The following SIPA1L1 variants were observed in gnomAD, a reference collection of about 807,000 sequenced individuals.
The protein encoded by SIPA1L1 is signal induced proliferation associated 1 like 1.
A neutral mutation model predicts 162.7 loss-of-function variants in SIPA1L1; 26 were observed. The observed-to-expected ratio is 0.16, with a 90% CI of 0.12 to 0.22. The LOEUF is 0.22. SIPA1L1 is among the 10% of genes least tolerant of loss of function. The pLI is 1.00. For missense variants in SIPA1L1, 1,874 were observed against 2,241.0 expected (o/e 0.84, Z 3.31); for synonymous variants, 829 against 837.4 (o/e 0.99, Z 0.17).
At chr14:71,414,785 C>G (rs34454371) in intron 2 of SIPA1L1, among the ~76,000 whole-genome samples, 24,860 of 152,172 alleles carry the variant, frequency 0.16, 2,637 homozygotes, top group Middle Eastern at 0.35. Flanking sequence ...GAGAAATGAT[C>G]AGATGATCTA....
chr14:71,344,181 G>T (rs2140462330), intron 2 of SIPA1L1, among the ~76,000 whole-genome samples: 1 of 152,296 alleles, frequency 6.6e-6, no homozygotes, highest in East Asian at 1.9e-4. Context: ...TTAGGAATTG[G>T]ATTTAATTGC....
intron 20 of SIPA1L1, among the ~76,000 whole-genome samples, chr14:71,732,826 C>A (rs1161720317): frequency 6.6e-6 from 1 of 152,126 alleles, no homozygotes; most frequent in Admixed American, 6.5e-5. Context: ...CCCTTGGACA[C>A]CTTTGACCAT....
intron 7 of SIPA1L1, among the ~76,000 whole-genome samples, chr14:71,636,296 C>G (rs1258994787): frequency 6.6e-6 from 1 of 152,096 alleles, no homozygotes; most frequent in East Asian, 1.9e-4. Flanking sequence ...CATCCTGTCC[C>G]ATGAAATAAA....
intron 2 of SIPA1L1, among the ~76,000 whole-genome samples, chr14:71,498,750 T>G (rs572914557): frequency 7.9e-4 from 120 of 152,366 alleles, no homozygotes; most frequent in Middle Eastern, 3.4e-3. Context: ...CTTTTGCTGC[T>G]TTTTCTAGTC....
chr14:71,575,753 G>GT (rs2032920536), intron 4 of SIPA1L1, among the ~76,000 whole-genome samples: 1 of 152,082 alleles, frequency 6.6e-6, no homozygotes, highest in Admixed American at 6.5e-5. Flanking sequence ...GTCACTTCTT[G>GT]TTAATCTTTT....
intron 15 of SIPA1L1, among the ~76,000 whole-genome samples, chr14:71,704,079 T>C (rs1480840384): frequency 6.6e-6 from 1 of 152,188 alleles, no homozygotes; most frequent in Non-Finnish European, 1.5e-5. Flanking sequence ...TGGTGGCCTT[T>C]CACCATGGGA....
In SIPA1L1 at chr14:71,740,701, C is replaced by T. The variant is rs550016459; in HGVS notation, c.*1540C>T. On this transcript the variant is annotated 3_prime_UTR_variant, in exon 24 of 24. Transcript: ENST00000381232. Reference sequence around the variant, plus strand: ...AGTTTCATTCTTGATTGTGATTTCTCCATGGAATTTTTTTTTTCTGGTGAC... The same window carrying T: ...AGTTTCATTCTTGATTGTGATTTCTTCATGGAATTTTTTTTTTCTGGTGAC... The T allele has an allele frequency of 6.6e-6, 1 of 152,214 alleles. No homozygotes were observed. Among genetic ancestry groups the T allele is most frequent in the African/African-American group, 2.4e-5 (1 of 41,540 alleles). 9.4% of individuals were successfully genotyped at this position (152,214 alleles called of 1,614,324 possible).
chr14:71,459,253 A>C (rs2046409371), intron 2 of SIPA1L1, among the ~76,000 whole-genome samples: 1 of 152,042 alleles, frequency 6.6e-6, no homozygotes, highest in Admixed American at 6.6e-5. Context: ...CATACTACAG[A>C]TCGCTAGTAA....
At chr14:71,372,758 G>T (rs981028466) in intron 2 of SIPA1L1, among the ~76,000 whole-genome samples, 9 of 152,038 alleles carry the variant, frequency 5.9e-5, no homozygotes, top group African/African-American at 2.2e-4. Context: ...GAATGGCCTG[G>T]GGTGTCTGTA....
At chr14:71,556,690 G>A (rs377715206) in intron 4 of SIPA1L1, among the ~76,000 whole-genome samples, 5 of 151,498 alleles carry the variant, frequency 3.3e-5, no homozygotes, top group Non-Finnish European at 5.9e-5. Flanking sequence ...CTCCTTTGGC[G>A]TGCCACCTTC....
At chr14:71,353,404 G>T (rs1384955526) in intron 2 of SIPA1L1, among the ~76,000 whole-genome samples, 1 of 152,194 alleles carries the variant, frequency 6.6e-6, no homozygotes, top group Non-Finnish European at 1.5e-5. Flanking sequence ...AAGGCCAGGT[G>T]CCTAGAAGGA....
intron 7 of SIPA1L1, among the ~76,000 whole-genome samples, chr14:71,635,977 T>C (rs1290968265): frequency 1.3e-5 from 2 of 152,042 alleles, no homozygotes; most frequent in African/African-American, 4.8e-5. Flanking sequence ...AGAGGATCAT[T>C]GCATAATGAT....
At position 71,470,009 on chromosome 14, in the gene SIPA1L1, G is replaced by C. The variant is rs1043227579; in HGVS notation, c.-464-42734G>C. Among the ~76,000 whole-genome samples the C allele has an allele frequency of 3.3e-5, 5 of 152,276 alleles. No homozygotes were observed. In the East Asian group the frequency reaches 7.7e-4, roughly 24 times the overall value. On this transcript the variant is annotated intron_variant, in intron 2 of 23. Transcript: ENST00000381232. ...ATTAGTTCGGGTTGGGGCTGGTGGTGCTTGGCAGACCCTTTACCTGTGTCA... is the reference window on the plus strand; with the variant it reads ...ATTAGTTCGGGTTGGGGCTGGTGGTCCTTGGCAGACCCTTTACCTGTGTCA...
chr14:71,509,435 G>T (rs1368968354), intron 2 of SIPA1L1, among the ~76,000 whole-genome samples: 1 of 152,084 alleles, frequency 6.6e-6, no homozygotes, highest in Non-Finnish European at 1.5e-5. Flanking sequence ...TTTTTGTAAG[G>T]TAGCATGAGC....
chr14:71,561,824 T>C (rs2056819216), intron 4 of SIPA1L1, among the ~76,000 whole-genome samples: 1 of 152,190 alleles, frequency 6.6e-6, no homozygotes, highest in Non-Finnish European at 1.5e-5. Context: ...TGATCTCAGG[T>C]GATCTGCCTG....
At chr14:71,703,498 C>T (rs142015546) in intron 15 of SIPA1L1, among the ~76,000 whole-genome samples, 1 of 152,240 alleles carries the variant, frequency 6.6e-6, no homozygotes, top group Admixed American at 6.5e-5. Context: ...TGCTTTGTTC[C>T]AGTAGCTTCA....
intron 2 of SIPA1L1, among the ~76,000 whole-genome samples, chr14:71,368,107 T>G (rs2038519970): frequency 6.6e-6 from 1 of 151,020 alleles, no homozygotes; most frequent in Non-Finnish European, 1.5e-5. Flanking sequence ...TTTTATGTTT[T>G]TTGTACATTT....
chr14:71,410,894 A>T (rs1204283249), intron 2 of SIPA1L1, among the ~76,000 whole-genome samples: 1 of 152,166 alleles, frequency 6.6e-6, no homozygotes, highest in Admixed American at 6.5e-5. Flanking sequence ...GGTTAAATAC[A>T]TAGAATTCCT....
intron 14 of SIPA1L1, 131 bp downstream of exon 14, chr14:71,699,258 A>C (rs2081904072): frequency 3.4e-6 from 3 of 884,636 alleles, no homozygotes; most frequent in South Asian, 1.7e-5. Context: ...GAGAAAACGT[A>C]GTTAATAATC....
Sources: allele counts gnomAD v4.1 joint callset (sites outside exome capture counted in the v4.1 genomes callset), GRCh38; gene constraint gnomAD v4.1.1; transcripts MANE v1.5; gene names NCBI Gene and HGNC (gene_info 2026-07-23, HGNC 2026-07-21).